The following SH3GL2 variants were observed in gnomAD, a reference collection of about 807,000 sequenced individuals.
SH3GL2 encodes endophilin-A1.
A neutral mutation model predicts 46.0 loss-of-function variants in SH3GL2; 24 were observed. The observed-to-expected ratio is 0.52, with a 90% CI of 0.38 to 0.73. SH3GL2 has a LOEUF of 0.73. SH3GL2 is among the 30% of genes least tolerant of loss of function. The pLI is 0.00. For synonymous variants in SH3GL2, 196 were observed against 147.1 expected, an observed-to-expected ratio of 1.33 and a Z score of -2.40; for missense variants, 413 against 424.2, an observed-to-expected ratio of 0.97 and a Z score of 0.23.
At chr9:17,715,008 G>C (rs745720981) in intron 1 of SH3GL2, among the ~76,000 whole-genome samples, 3 of 151,436 alleles carry the variant, frequency 2.0e-5, no homozygotes, top group South Asian at 2.1e-4. Context: ...TAGAATTCTT[G>C]GTAGACATGT....
chr9:17,783,340 A>G (rs1034032612), intron 3 of SH3GL2, among the ~76,000 whole-genome samples: 16 of 151,782 alleles, frequency 1.1e-4, no homozygotes, highest in African/African-American at 3.9e-4. Context: ...AAAAACTAAG[A>G]TTTAGCAGAA....
rs185664853 is a variant in SH3GL2 at position 17,581,226 on chromosome 9, T to C, written c.45+1939T>C. ...TAGAGCGCTCCATTTCCGCTAAATC[T>C]TGAAGTTCTGTGTCGCCCTAAAGTG... On this transcript the variant is annotated intron_variant, in intron 1 of 8. Transcript: ENST00000380607. 4.3e-3 allele frequency among the ~76,000 whole-genome samples: 634 copies of C among 148,924 alleles called. 8 individuals are homozygous for C. The highest frequency in any genetic ancestry group is 0.015 in the African/African-American group (604 of 41,186).
intron 1 of SH3GL2, among the ~76,000 whole-genome samples, chr9:17,633,860 A>G (rs1819485872): frequency 1.3e-5 from 2 of 152,196 alleles, no homozygotes; most frequent in Non-Finnish European, 2.9e-5. Flanking sequence ...ATTTCTAAGT[A>G]TCCAAGTCCT....
At chr9:17,738,575 T>TATATATATAG (rs146902227) in intron 1 of SH3GL2, among the ~76,000 whole-genome samples, 3 of 108,260 alleles carry the variant, frequency 2.8e-5, no homozygotes, top group African/African-American at 9.3e-5. Context: ...CATATATATA[T>TATATATATAG]AGAGAGAGAG....
At chr9:17,664,483 T>A (rs868544198) in intron 1 of SH3GL2, among the ~76,000 whole-genome samples, 1 of 152,124 alleles carries the variant, frequency 6.6e-6, no homozygotes, top group African/African-American at 2.4e-5. Flanking sequence ...ATGAGAAGTA[T>A]AATGATCTTG....
At chr9:17,738,672 AG>A (rs1216364765) in intron 1 of SH3GL2, among the ~76,000 whole-genome samples, 3 of 148,844 alleles carry the variant, frequency 2.0e-5, no homozygotes, top group African/African-American at 7.4e-5. Context: ...AGAGAGAGAG[AG>A]ATAATTTTAT....
At chr9:17,678,251 A>G (rs1327730123) in intron 1 of SH3GL2, among the ~76,000 whole-genome samples, 1 of 151,960 alleles carries the variant, frequency 6.6e-6, no homozygotes, top group African/African-American at 2.4e-5. Flanking sequence ...AGTCCCACCA[A>G]CAGTGTAAAA....
rs191869633 is a variant in SH3GL2 at position 17,788,475 on chromosome 9, C to T, written c.466-917C>T. The stretch of plus-strand genomic sequence containing the variant: ...CTACTCCCTACTTTGTTTTCATTTC[C>T]TTTCATTCTGCTCCATACATACTAG... On this transcript the variant is annotated intron_variant, in intron 5 of 8. Coordinates refer to ENST00000380607, the MANE Select transcript of SH3GL2 (RefSeq NM_003026.5). 8.2e-4 allele frequency among the ~76,000 whole-genome samples: 124 copies of T among 152,084 alleles called. 1 individual carries two copies. Among genetic ancestry groups the T allele is most frequent in the African/African-American group, 2.6e-3 (107 of 41,498 alleles).
At chr9:17,599,914 G>A (rs1007249000) in intron 1 of SH3GL2, among the ~76,000 whole-genome samples, 7 of 151,436 alleles carry the variant, frequency 4.6e-5, no homozygotes, top group African/African-American at 1.2e-4. Flanking sequence ...TCCAGGAAAC[G>A]GGAATAAATA....
At chr9:17,783,478 G>C (rs1226895199) in intron 3 of SH3GL2, among the ~76,000 whole-genome samples, 1 of 151,734 alleles carries the variant, frequency 6.6e-6, no homozygotes, top group Non-Finnish European at 1.5e-5. Flanking sequence ...GGCTAGCAGA[G>C]CTTCCATTTT....
intron 2 of SH3GL2, among the ~76,000 whole-genome samples, chr9:17,755,325 A>G (rs181466970): frequency 1.2e-4 from 19 of 152,352 alleles, no homozygotes; most frequent in African/African-American, 4.3e-4. Context: ...CTTGCATCCC[A>G]GGGATAAAGC....
chr9:17,584,571 A>T (rs1818337290), intron 1 of SH3GL2, among the ~76,000 whole-genome samples: 1 of 152,214 alleles, frequency 6.6e-6, no homozygotes, highest in South Asian at 2.1e-4. Flanking sequence ...TAATCACTCC[A>T]ACAGTTCTGT....
intron 1 of SH3GL2, among the ~76,000 whole-genome samples, chr9:17,659,515 T>C (rs1820164016): frequency 6.6e-6 from 1 of 152,098 alleles, no homozygotes; most frequent in Non-Finnish European, 1.5e-5. Flanking sequence ...ATTAATGAAT[T>C]TGTGGAGACT....
intron 3 of SH3GL2, among the ~76,000 whole-genome samples, chr9:17,769,123 T>A (rs1461751450): frequency 6.6e-6 from 1 of 152,220 alleles, no homozygotes; most frequent in African/African-American, 2.4e-5. Context: ...TTCCTGACCA[T>A]CTTGTTTAAA....
intron 1 of SH3GL2, among the ~76,000 whole-genome samples, chr9:17,591,548 A>C (rs1818481623): frequency 6.6e-6 from 1 of 152,198 alleles, no homozygotes; most frequent in African/African-American, 2.4e-5. Flanking sequence ...CAGTAGTAGA[A>C]GGGTACATTT....
intron 1 of SH3GL2, among the ~76,000 whole-genome samples, chr9:17,719,107 T>G (rs1409527517): frequency 1.3e-5 from 2 of 152,134 alleles, no homozygotes; most frequent in Non-Finnish European, 2.9e-5. Flanking sequence ...TTAAGCTCAC[T>G]GCATATAATT....
At chr9:17,770,250 A>G (rs1823434552) in intron 3 of SH3GL2, among the ~76,000 whole-genome samples, 1 of 152,260 alleles carries the variant, frequency 6.6e-6, no homozygotes, top group Admixed American at 6.5e-5. Flanking sequence ...GTTTATATAC[A>G]TAGATAATAG....
At chr9:17,615,385 G>A (rs1025443306) in intron 1 of SH3GL2, among the ~76,000 whole-genome samples, 2 of 151,994 alleles carry the variant, frequency 1.3e-5, no homozygotes, top group Admixed American at 6.5e-5. Flanking sequence ...GGCTGGGTGC[G>A]GTGGCTCATG....
chr9:17,699,892 A>T (rs1027131524), intron 1 of SH3GL2, among the ~76,000 whole-genome samples: 1 of 152,198 alleles, frequency 6.6e-6, no homozygotes, highest in African/African-American at 2.4e-5. Context: ...CTGTGTTTTT[A>T]GAGCTAACAC....
Sources: allele counts gnomAD v4.1 joint callset (sites outside exome capture counted in the v4.1 genomes callset), GRCh38; gene constraint gnomAD v4.1.1; transcripts MANE v1.5; gene names NCBI Gene and HGNC (gene_info 2026-07-23, HGNC 2026-07-21).